CNTN4: variants seen among roughly 807,000 people sequenced by gnomAD.
The protein encoded by CNTN4 is contactin-4.
CNTN4 carries 77 observed loss-of-function variants against 122.5 expected under a neutral mutation model. That is an observed-to-expected ratio of 0.63 (90% CI 0.52 to 0.76). The LOEUF (loss-of-function observed/expected upper bound fraction) is 0.76. CNTN4 is among the 30% of genes least tolerant of loss of function. The pLI, the probability that CNTN4 is intolerant of heterozygous loss-of-function variation, is 0.00. For synonymous variants in CNTN4, 512 were observed against 447.0 expected, an observed-to-expected ratio of 1.15 and a Z score of -1.83; for missense variants, 1,256 against 1,259.1, an observed-to-expected ratio of 1.00 and a Z score of 0.04.
chr3:2,979,605 CTT>C (rs1341680283), intron 13 of CNTN4, among the ~76,000 whole-genome samples: 2 of 149,024 alleles, frequency 1.3e-5, no homozygotes, highest in Admixed American at 1.3e-4. Flanking sequence ...TTTTAAGGCC[CTT>C]TGAGTTTTTT....
At chr3:2,877,383 T>C (rs974486176) in intron 8 of CNTN4, among the ~76,000 whole-genome samples, 1 of 152,244 alleles carries the variant, frequency 6.6e-6, no homozygotes, top group Non-Finnish European at 1.5e-5. Flanking sequence ...TTCATTACTA[T>C]TGTTGTATCT....
intron 4 of CNTN4, among the ~76,000 whole-genome samples, chr3:2,711,918 A>G (rs1219050116): frequency 2.0e-5 from 3 of 152,246 alleles, no homozygotes; most frequent in African/African-American, 7.2e-5. Flanking sequence ...ATTTTTGAGC[A>G]TATGAATATG....
At chr3:2,511,650 T>A (rs1490561312) in intron 3 of CNTN4, 1 of 152,242 alleles carries the variant, frequency 6.6e-6, no homozygotes, top group East Asian at 1.9e-4. Context: ...CTCTGTTTGA[T>A]TTGCTGTAAC....
At chr3:3,055,247 A>G (rs1701677080) in intron 24 of CNTN4, among the ~76,000 whole-genome samples, 1 of 117,590 alleles carries the variant, frequency 8.5e-6, no homozygotes, top group Non-Finnish European at 1.8e-5. Context: ...GGCCACAAAA[A>G]TACAAGATTG....
chr3:2,720,070 G>C lies in CNTN4; in HGVS notation c.56-16145G>C, dbSNP rs953076530. On this transcript the variant is annotated intron_variant, in intron 4 of 24. Transcript: ENST00000418658. ...CTAAGAGCTTGCAAGCAATAGACAA[G>C]TAAGTAAAGTATTATAAGTGTGACT... Among the ~76,000 whole-genome samples the C allele has an allele frequency of 7.2e-5, 11 of 152,268 alleles. No homozygotes were observed. The East Asian group carries it at 2.1e-3, about 29-fold the overall frequency.
At chr3:2,164,062 T>C (rs1329052094) in intron 2 of CNTN4, among the ~76,000 whole-genome samples, 3 of 152,106 alleles carry the variant, frequency 2.0e-5, no homozygotes, top group Non-Finnish European at 4.4e-5. Context: ...AGACTACATG[T>C]TGGGTACAAT....
intron 7 of CNTN4, among the ~76,000 whole-genome samples, chr3:2,825,468 C>G (rs113795381): frequency 5.1e-4 from 77 of 151,822 alleles, no homozygotes; most frequent in Non-Finnish European, 9.9e-4. Flanking sequence ...AGGATCCACC[C>G]GCTTCAGCCT....
intron 4 of CNTN4, among the ~76,000 whole-genome samples, chr3:2,690,302 A>G (rs2085661613): frequency 6.6e-6 from 1 of 152,112 alleles, no homozygotes; most frequent in Admixed American, 6.6e-5. Context: ...GAATATTCTC[A>G]TCAAGAGGCA....
At chr3:2,828,811 G>A (rs999001153) in intron 7 of CNTN4, among the ~76,000 whole-genome samples, 1 of 152,062 alleles carries the variant, frequency 6.6e-6, no homozygotes, top group Non-Finnish European at 1.5e-5. Context: ...CACGATCATG[G>A]GTCATTGCAG....
At chr3:2,363,048 C>G (rs530492553) in intron 3 of CNTN4, among the ~76,000 whole-genome samples, 1 of 151,984 alleles carries the variant, frequency 6.6e-6, no homozygotes, top group African/African-American at 2.4e-5. Context: ...ATCTTATGAT[C>G]CATTAATTGG....
chr3:2,648,394 A>T (rs2083221840), intron 4 of CNTN4, among the ~76,000 whole-genome samples: 1 of 152,154 alleles, frequency 6.6e-6, no homozygotes, highest in South Asian at 2.1e-4. Context: ...TTTTCCCAAC[A>T]GCATGTGCTT....
intron 2 of CNTN4, among the ~76,000 whole-genome samples, chr3:2,261,253 G>T (rs1575200461): frequency 6.6e-6 from 1 of 151,878 alleles, no homozygotes; most frequent in Non-Finnish European, 1.5e-5. Context: ...TACTATATTT[G>T]TTTTGTTGAA....
At chr3:2,369,711 G>A (rs1246541380) in intron 3 of CNTN4, among the ~76,000 whole-genome samples, 2 of 151,920 alleles carry the variant, frequency 1.3e-5, no homozygotes, top group African/African-American at 2.4e-5. Flanking sequence ...AAGAATGCGC[G>A]AGGTTCTTCT....
chr3:2,625,953 A>G (rs2082169001), intron 4 of CNTN4, among the ~76,000 whole-genome samples: 1 of 152,200 alleles, frequency 6.6e-6, no homozygotes, highest in Non-Finnish European at 1.5e-5. Flanking sequence ...CATTCTGGAC[A>G]ACACTTGACA....
At chr3:2,360,847 A>G (rs1242147494) in intron 3 of CNTN4, among the ~76,000 whole-genome samples, 1 of 152,162 alleles carries the variant, frequency 6.6e-6, no homozygotes, top group African/African-American at 2.4e-5. Flanking sequence ...ACAATTCAAG[A>G]TGAGATTTAG....
chr3:2,785,895 G>GCCCCCCCCCCCCCCCCCCCCCCCCT (rs149802098), intron 6 of CNTN4, among the ~76,000 whole-genome samples: 1 of 81,668 alleles, frequency 1.2e-5, no homozygotes. Flanking sequence ...GGCCCACGCT[G>GCCCCCCCCCCCCCCCCCCCCCCCCT]CCCCCCCCCG....
At chr3:2,487,789 TCTC>T (rs1174374139) in intron 3 of CNTN4, among the ~76,000 whole-genome samples, 2 of 152,224 alleles carry the variant, frequency 1.3e-5, no homozygotes, top group African/African-American at 2.4e-5. Flanking sequence ...CATTTTCCAA[TCTC>T]CTATTGTATT....
rs143705086 is a variant in CNTN4 at position 2,440,143 on chromosome 3, T to A, written c.-89+100910T>A. 4.3e-3 allele frequency among the ~76,000 whole-genome samples: 659 copies of A among 152,310 alleles called. 6 individuals are homozygous for A. Among genetic ancestry groups the A allele is most frequent in the East Asian group, 0.016 (84 of 5,180 alleles). The stretch of plus-strand genomic sequence containing the variant: ...TGTCCACTGTCCAGATCACTTTTTT[T>A]AAAAAATTATTATTATACTTTAAGT... On this transcript the variant is annotated intron_variant, in intron 3 of 24. Coordinates refer to ENST00000418658, the MANE Select transcript of CNTN4 (RefSeq NM_175607.3).
intron 4 of CNTN4, among the ~76,000 whole-genome samples, chr3:2,670,033 T>G (rs2084410323): frequency 6.6e-6 from 1 of 152,218 alleles, no homozygotes; most frequent in Non-Finnish European, 1.5e-5. Context: ...AATTTTGGAA[T>G]AAGTGTGATG....
Sources: gnomAD v4.1 joint callset for allele counts (sites outside exome capture counted in the v4.1 genomes callset) on GRCh38, gnomAD v4.1.1 for gene constraint, MANE v1.5 for transcripts, NCBI Gene and HGNC (gene_info 2026-07-23, HGNC 2026-07-21) for gene names.